The following SPTBN1 variants were observed in gnomAD, a reference collection of about 807,000 sequenced individuals.
The protein encoded by SPTBN1 is spectrin beta, non-erythrocytic 1, also known as spectrin beta chain, non-erythrocytic 1.
In SPTBN1, 32 loss-of-function variants were observed where a neutral mutation model predicts 266.4. The ratio of observed to expected loss-of-function variants is 0.12; its 90% confidence interval spans 0.09 to 0.16. The LOEUF (loss-of-function observed/expected upper bound fraction) is 0.16, where lower values mean the gene tolerates loss of function less well. SPTBN1 is among the 10% of genes least tolerant of loss of function. The pLI, the probability that SPTBN1 is intolerant of heterozygous loss-of-function variation, is 1.00. For missense variants in SPTBN1, 2,296 were observed against 3,067.1 expected (o/e 0.75, Z 5.94); for synonymous variants, 1,336 against 1,162.2 (o/e 1.15, Z -3.04).
At chr2:54,522,662 G>GAGAC (rs1553439375) in intron 1 of SPTBN1, among the ~76,000 whole-genome samples, 2 of 80,492 alleles carry the variant, frequency 2.5e-5, no homozygotes, top group Non-Finnish European at 5.5e-5. Context: ...GAGAGAAAGA[G>GAGAC]AGAGAGAGAG....
chr2:54,630,164 CA>C (rs1678637437), intron 15 of SPTBN1, 135 bp downstream of exon 15: 19 of 1,182,274 alleles, frequency 1.6e-5, no homozygotes, highest in Admixed American at 7.7e-5. Context: ...ATGGCATTGG[CA>C]CCTGCCTTTT....
intron 1 of SPTBN1, among the ~76,000 whole-genome samples, chr2:54,481,844 T>C (rs1163318976): frequency 2.0e-5 from 3 of 152,208 alleles, no homozygotes; most frequent in Non-Finnish European, 1.5e-5. Flanking sequence ...CTGGTAACTT[T>C]CCAGAAAATG....
chr2:54,629,210 C>T lies in SPTBN1; in HGVS notation c.2076C>T (p.Gly692=). The part of the protein sequence containing the change: ...AFEDEMSGRS[G]HFEQAIKEGE... Reference sequence around the variant, plus strand: ...AGGACGAGATGAGCGGCCGCAGTGGCCACTTTGAGCAGGCCATCAAGGAAG... The same window carrying T: ...AGGACGAGATGAGCGGCCGCAGTGGTCACTTTGAGCAGGCCATCAAGGAAG... The change falls in exon 14 of 36, where the codon GGC becomes GGT. Residue 692 remains glycine, a synonymous_variant. Coordinates refer to ENST00000356805, the MANE Select transcript of SPTBN1 (RefSeq NM_003128.3). 1.2e-6 allele frequency: 2 copies of T among 1,613,712 alleles called. No homozygotes were observed. The highest frequency in any genetic ancestry group is 1.7e-6 in the Non-Finnish European group (2 of 1,179,970).
chr2:54,524,506 C>T (rs934902901), intron 1 of SPTBN1, among the ~76,000 whole-genome samples: 1 of 152,206 alleles, frequency 6.6e-6, no homozygotes, highest in South Asian at 2.1e-4. Context: ...CCTCTAAGCA[C>T]ATCCACCTCT....
chr2:54,614,805 A>G (rs1387634159), intron 4 of SPTBN1, among the ~76,000 whole-genome samples: 1 of 152,178 alleles, frequency 6.6e-6, no homozygotes, highest in African/African-American at 2.4e-5. Context: ...TCAAAAAAAA[A>G]AAAAAGTAAA....
chr2:54,660,930 T>A, intron 32 of SPTBN1: 1 of 985,464 alleles, frequency 1.0e-6, no homozygotes, highest in Non-Finnish European at 1.2e-6. Context: ...ATTCAGCCGA[T>A]GACTTCAGGG....
intron 15 of SPTBN1, among the ~76,000 whole-genome samples, chr2:54,630,335 AT>A (rs1678648651): frequency 6.6e-6 from 1 of 152,248 alleles, no homozygotes; most frequent in African/African-American, 2.4e-5. Flanking sequence ...CACCTGTGCT[AT>A]CCATTTTATA....
In SPTBN1 at chr2:54,558,920, G is replaced by C; in HGVS notation, c.148+32354G>C. On this transcript the variant is annotated intron_variant, in intron 2 of 35. Coordinates refer to ENST00000356805, the MANE Select transcript of SPTBN1 (RefSeq NM_003128.3). The surrounding 1 kb of genome is among the most constrained non-coding windows in gnomAD (Gnocchi z 4.6). ...CCCTCCCAAAGGCCGGGCCTGTCCT[G>C]GGTGCCAACGGGGGTTCTTGGAGGC... 6.3e-7 allele frequency: 1 copy of C among 1,598,630 alleles called. No homozygotes were observed.
At position 54,631,253 on chromosome 2, in the gene SPTBN1, G is replaced by A; in HGVS notation, c.3206G>A (p.Arg1069Gln). The change falls in exon 16 of 36, where the codon CGG becomes CAG. Residue 1069 changes from arginine (R) to glutamine (Q), a missense_variant. By Grantham distance (43) the Arg-to-Gln change is conservative. Around this residue, in one of 12 missense-constraint regions of SPTBN1, gnomAD observed 18 missense variants for 50.3 expected, o/e 0.36. Transcript: ENST00000356805. ...GEASKLQQFLRDLDDFQSWLS... is the reference protein window; with the variant it reads ...GEASKLQQFLQDLDDFQSWLS... Reference sequence around the variant, plus strand: ...GCCAGCAAGCTGCAGCAGTTCCTACGGGACTTGGACGACTTCCAGTCCTGG... The same window carrying A: ...GCCAGCAAGCTGCAGCAGTTCCTACAGGACTTGGACGACTTCCAGTCCTGG... The A allele has an allele frequency of 1.9e-6, 3 of 1,614,178 alleles. No individual in the cohort carries two copies. Among genetic ancestry groups the A allele is most frequent in the Non-Finnish European group, 2.5e-6 (3 of 1,180,022 alleles).
intron 26 of SPTBN1, among the ~76,000 whole-genome samples, chr2:54,651,328 C>T (rs13405115): frequency 0.11 from 17,124 of 152,098 alleles, 1,803 homozygotes; most frequent in African/African-American, 0.27. Context: ...GTGGGAATCT[C>T]GTCCCTCGAG....
At chr2:54,507,811 T>G (rs1273948729) in intron 1 of SPTBN1, among the ~76,000 whole-genome samples, 2 of 151,778 alleles carry the variant, frequency 1.3e-5, no homozygotes, top group African/African-American at 4.8e-5. Context: ...CCTTTTTTTT[T>G]TTTTTAGCAG....
At chr2:54,603,505 G>A (rs1676632402) in intron 3 of SPTBN1, among the ~76,000 whole-genome samples, 1 of 152,204 alleles carries the variant, frequency 6.6e-6, no homozygotes, top group African/African-American at 2.4e-5. Flanking sequence ...ATATGGTGTG[G>A]ACTGCAGCCC....
chr2:54,496,028 T>C (rs1668950710), intron 1 of SPTBN1, among the ~76,000 whole-genome samples: 1 of 152,204 alleles, frequency 6.6e-6, no homozygotes, highest in African/African-American at 2.4e-5. Context: ...ACAGTAGTTC[T>C]TTGTTACCCA....
intron 26 of SPTBN1, among the ~76,000 whole-genome samples, chr2:54,652,291 G>A (rs898426963): frequency 1.3e-5 from 2 of 151,806 alleles, no homozygotes; most frequent in Admixed American, 6.6e-5. Context: ...GACATATACC[G>A]TTCCCCAAAA....
At chr2:54,505,864 C>T (rs1669524702) in intron 1 of SPTBN1, among the ~76,000 whole-genome samples, 1 of 152,126 alleles carries the variant, frequency 6.6e-6, no homozygotes, top group African/African-American at 2.4e-5. Flanking sequence ...GTGGCTCACG[C>T]CTGTAATCCC....
intron 27 of SPTBN1, among the ~76,000 whole-genome samples, chr2:54,654,372 G>T (rs1220541829): frequency 6.6e-6 from 1 of 152,134 alleles, no homozygotes; most frequent in East Asian, 1.9e-4. Context: ...CTTTGGCTTT[G>T]TTTCATGCAA....
chr2:54,640,464 T>C (rs1472054446), intron 18 of SPTBN1, among the ~76,000 whole-genome samples: 1 of 152,190 alleles, frequency 6.6e-6, no homozygotes, highest in African/African-American at 2.4e-5. Flanking sequence ...TATGCTGGCA[T>C]ATACAGTATG....
chr2:54,498,228 A>G (rs1052947130), intron 1 of SPTBN1, among the ~76,000 whole-genome samples: 3 of 152,238 alleles, frequency 2.0e-5, no homozygotes, highest in Non-Finnish European at 2.9e-5. Context: ...TGGGTGGAGC[A>G]TGACCAGTGC....
In SPTBN1 at chr2:54,526,391, T is replaced by G; in HGVS notation, c.-28T>G. The G allele has an allele frequency of 1.2e-6, 2 of 1,611,672 alleles. No individual in the cohort carries two copies. Among genetic ancestry groups the G allele is most frequent in the Non-Finnish European group, 1.7e-6 (2 of 1,178,718 alleles). On this transcript the variant is annotated 5_prime_UTR_variant, in exon 2 of 36. It removes an upstream start codon present in the reference 5' UTR. Transcript: ENST00000356805. ...TCATAGAACTCTAAGAAGGAGCTGA[T>G]GTGGAGGAGCAGCTGAGACAGTTCA...
Sources: allele counts gnomAD v4.1 joint callset (sites outside exome capture counted in the v4.1 genomes callset), GRCh38; gene constraint gnomAD v4.1.1; regional missense constraint gnomAD v4.1.1; non-coding constraint Gnocchi (gnomAD v3.1); transcripts MANE v1.5; gene names NCBI Gene and HGNC (gene_info 2026-07-23, HGNC 2026-07-21).